The following GRID2 variants were observed in gnomAD, a reference collection of about 807,000 sequenced individuals.
GRID2 encodes the protein glutamate receptor ionotropic, delta-2.
In GRID2, 33 loss-of-function variants were observed where a neutral mutation model predicts 114.8. The observed-to-expected ratio is 0.29, with a 90% CI of 0.22 to 0.38. The LOEUF (loss-of-function observed/expected upper bound fraction) is 0.38. Among genes scored for constraint, GRID2 ranks in the 10% least tolerant of loss-of-function variants. GRID2 has a pLI of 1.00. For synonymous variants in GRID2, 505 were observed against 449.9 expected (o/e 1.12, Z -1.55); for missense variants, 1,184 against 1,257.7 (o/e 0.94, Z 0.89).
intron 14 of GRID2, among the ~76,000 whole-genome samples, chr4:93,705,047 T>G (rs950505774): frequency 2.0e-5 from 3 of 152,168 alleles, no homozygotes; most frequent in African/African-American, 7.2e-5. Flanking sequence ...CATAATGGCT[T>G]TACTAATTTA....
intron 9 of GRID2, among the ~76,000 whole-genome samples, chr4:93,398,352 G>A (rs181901364): frequency 4.8e-4 from 72 of 151,422 alleles, no homozygotes; most frequent in African/African-American, 1.6e-3. Flanking sequence ...CAGACAGTAA[G>A]TAGCAGAGTT....
At chr4:93,152,092 A>G (rs1736791176) in intron 4 of GRID2, among the ~76,000 whole-genome samples, 1 of 152,190 alleles carries the variant, frequency 6.6e-6, no homozygotes, top group African/African-American at 2.4e-5. Flanking sequence ...GGAAGGGCAC[A>G]AAGAACTTCA....
intron 2 of GRID2, among the ~76,000 whole-genome samples, chr4:92,662,642 G>A (rs1022243330): frequency 4.6e-5 from 7 of 151,198 alleles, no homozygotes; most frequent in South Asian, 2.1e-4. Flanking sequence ...ATTGTGAATC[G>A]TTTTTGCTGC....
chr4:92,829,841 CA>C (rs1358444948), intron 2 of GRID2, among the ~76,000 whole-genome samples: 4 of 151,908 alleles, frequency 2.6e-5, no homozygotes, highest in Admixed American at 1.3e-4. Flanking sequence ...AATGGAAAAC[CA>C]AACGCCACAT....
chr4:93,125,504 T>A (rs545808478), intron 4 of GRID2, among the ~76,000 whole-genome samples: 88 of 152,264 alleles, frequency 5.8e-4, no homozygotes, highest in African/African-American at 2.1e-3. Flanking sequence ...ACTTCCAATA[T>A]TGCTTGATCA....
At chr4:93,265,482 C>A (rs759114553) in intron 8 of GRID2, among the ~76,000 whole-genome samples, 1 of 151,976 alleles carries the variant, frequency 6.6e-6, no homozygotes, top group Non-Finnish European at 1.5e-5. Context: ...TCTTGGAAAC[C>A]GCCACTTCAA....
intron 2 of GRID2, among the ~76,000 whole-genome samples, chr4:92,959,853 G>A (rs1257276879): frequency 1.3e-5 from 2 of 151,888 alleles, no homozygotes; most frequent in African/African-American, 2.4e-5. Flanking sequence ...GGGGCCTATT[G>A]GGGGATAGGG....
At chr4:93,761,201 T>A (rs35299108) in intron 14 of GRID2, among the ~76,000 whole-genome samples, 286 of 152,314 alleles carry the variant, frequency 1.9e-3, no homozygotes, top group Middle Eastern at 6.8e-3. Flanking sequence ...TGTTAATACA[T>A]ATTAATACAC....
chr4:92,409,113 A>G (rs565696206), intron 1 of GRID2, among the ~76,000 whole-genome samples: 5 of 152,168 alleles, frequency 3.3e-5, no homozygotes, highest in African/African-American at 1.2e-4. Context: ...TTTCTCATAT[A>G]TGGCTCTTAT....
chr4:93,407,825 T>TCTCCTCCTC (rs141411355), intron 9 of GRID2, among the ~76,000 whole-genome samples: 4 of 117,558 alleles, frequency 3.4e-5, no homozygotes, highest in African/African-American at 9.4e-5. Context: ...TCCTCCTCCT[T>TCTCCTCCTC]CTCCTCCTCC....
In GRID2 at chr4:93,189,243, T is replaced by G. The variant is rs112151115; in HGVS notation, c.736-18161T>G. 8.4e-4 allele frequency among the ~76,000 whole-genome samples: 128 copies of G among 151,722 alleles called. 1 individual carries two copies. Among genetic ancestry groups the G allele is most frequent in the African/African-American group, 2.9e-3 (119 of 41,416 alleles). Reference sequence around the variant, plus strand: ...TGGGTAATTTATAAACAATGTAAATTTATTGCTCACAATTATGGAGACTGA... The same window carrying G: ...TGGGTAATTTATAAACAATGTAAATGTATTGCTCACAATTATGGAGACTGA... On this transcript the variant is annotated intron_variant, in intron 4 of 15. Coordinates refer to ENST00000282020, the MANE Select transcript of GRID2 (RefSeq NM_001510.4).
Position 92,703,214 on chromosome 4 carries a change from C to T in GRID2, c.244+112928C>T, listed in dbSNP as rs185828036. On this transcript the variant is annotated intron_variant, in intron 2 of 15. Transcript: ENST00000282020. ...GTAATAAATAAATGTAATCTGAATA[C>T]GAGAAAGACATATATCTATTTTGTG... Among the ~76,000 whole-genome samples the T allele has an allele frequency of 1.9e-3, 292 of 152,098 alleles. 1 individual carries two copies. Among genetic ancestry groups the T allele is most frequent in the Middle Eastern group, 3.4e-3 (1 of 294 alleles).
intron 1 of GRID2, among the ~76,000 whole-genome samples, chr4:92,541,199 C>G (rs187833589): frequency 1.7e-4 from 26 of 151,762 alleles, no homozygotes; most frequent in African/African-American, 5.6e-4. Context: ...TGTTAAATGA[C>G]GAGTTACTGG....
chr4:92,886,787 G>A (rs1389913272), intron 2 of GRID2, among the ~76,000 whole-genome samples: 25 of 151,914 alleles, frequency 1.6e-4, no homozygotes, highest in Admixed American at 1.1e-3. Context: ...CACCACGTCC[G>A]GCTAATTTTT....
chr4:92,720,488 G>A (rs1241679890), intron 2 of GRID2, among the ~76,000 whole-genome samples: 2 of 151,744 alleles, frequency 1.3e-5, no homozygotes, highest in Non-Finnish European at 2.9e-5. Context: ...CAGAATCCTG[G>A]TATTGTACAC....
chr4:93,515,125 A>G, intron 12 of GRID2, 91 bp from the exon 13 acceptor site: 1 of 508,354 alleles, frequency 2.0e-6, no homozygotes, highest in South Asian at 4.8e-5. Flanking sequence ...GTTTCCACAC[A>G]TATTGCCTTT....
At chr4:92,506,985 A>G (rs1330618469) in intron 1 of GRID2, among the ~76,000 whole-genome samples, 2 of 151,860 alleles carry the variant, frequency 1.3e-5, no homozygotes, top group African/African-American at 4.8e-5. Context: ...TTCCTCTAAT[A>G]CTTTAGCATC....
At chr4:92,824,471 T>C (rs538255416) in intron 2 of GRID2, among the ~76,000 whole-genome samples, 2 of 152,124 alleles carry the variant, frequency 1.3e-5, no homozygotes, top group Non-Finnish European at 2.9e-5. Context: ...GTTTCATGGC[T>C]AGGGTTTTAT....
chr4:93,526,673 G>T (rs1730938058), intron 13 of GRID2, among the ~76,000 whole-genome samples: 1 of 152,148 alleles, frequency 6.6e-6, no homozygotes, highest in African/African-American at 2.4e-5. Context: ...GCCAGGTGTG[G>T]TGGCGCATGC....
Sources: gnomAD v4.1 joint callset for allele counts (sites outside exome capture counted in the v4.1 genomes callset) on GRCh38, gnomAD v4.1.1 for gene constraint, MANE v1.5 for transcripts, NCBI Gene and HGNC (gene_info 2026-07-23, HGNC 2026-07-21) for gene names.